HDAC9: variants seen among roughly 807,000 people sequenced by gnomAD.
HDAC9 encodes histone deacetylase 9.
Under a neutral mutation model 139.4 loss-of-function variants are expected in HDAC9, and 41 were observed. The observed-to-expected ratio is 0.29, with a 90% CI of 0.23 to 0.38. The LOEUF is 0.38. Ranked by LOEUF, HDAC9 falls within the 10% of genes least tolerant of loss-of-function variation. The pLI, the probability that HDAC9 is intolerant of heterozygous loss-of-function variation, is 1.00. For synonymous variants in HDAC9, 517 were observed against 476.2 expected (o/e 1.09, Z -1.12); for missense variants, 1,147 against 1,297.0 (o/e 0.88, Z 1.78).
At chr7:18,214,634 C>T (rs1792171365) in intron 2 of HDAC9, among the ~76,000 whole-genome samples, 1 of 151,882 alleles carries the variant, frequency 6.6e-6, no homozygotes, top group African/African-American at 2.4e-5. Context: ...TATGAAACAG[C>T]ATAGGAAACT....
chr7:18,445,504 C>T (rs959390351), intron 1 of HDAC9, among the ~76,000 whole-genome samples: 2 of 152,116 alleles, frequency 1.3e-5, no homozygotes, highest in Non-Finnish European at 2.9e-5. Context: ...AGGGGCTGAG[C>T]GGCCTCTGTG....
intron 23 of HDAC9, among the ~76,000 whole-genome samples, chr7:18,940,865 T>G (rs966820230): frequency 1.3e-5 from 2 of 152,002 alleles, no homozygotes; most frequent in African/African-American, 4.8e-5. Context: ...AACAAAAACA[T>G]TGAAAAACTT....
chr7:18,184,979 A>C (rs1437613255), intron 2 of HDAC9, among the ~76,000 whole-genome samples: 1 of 152,184 alleles, frequency 6.6e-6, no homozygotes, highest in African/African-American at 2.4e-5. Flanking sequence ...TTGCTATGTA[A>C]AATGTGGTCT....
At chr7:18,965,681 T>C (rs928944505) in intron 24 of HDAC9, among the ~76,000 whole-genome samples, 23 of 152,232 alleles carry the variant, frequency 1.5e-4, no homozygotes, top group Non-Finnish European at 2.5e-4. Flanking sequence ...CAGAGTTATT[T>C]CATGTGAGCT....
At chr7:18,927,784 G>A (rs911805413) in intron 22 of HDAC9, among the ~76,000 whole-genome samples, 4 of 152,136 alleles carry the variant, frequency 2.6e-5, no homozygotes, top group Non-Finnish European at 5.9e-5. Context: ...GTGTCAGTGA[G>A]TATTTCAAAA....
intron 15 of HDAC9, among the ~76,000 whole-genome samples, chr7:18,766,790 G>C (rs1358499506): frequency 6.6e-6 from 1 of 152,098 alleles, no homozygotes; most frequent in African/African-American, 2.4e-5. Flanking sequence ...GTATAATATA[G>C]ACATGGAGAC....
At chr7:18,259,928 T>C (rs536311811) in intron 2 of HDAC9, among the ~76,000 whole-genome samples, 1 of 152,336 alleles carries the variant, frequency 6.6e-6, no homozygotes, top group East Asian at 1.9e-4. Flanking sequence ...ATGTACTTCA[T>C]ACTTCAGTTG....
intron 2 of HDAC9, among the ~76,000 whole-genome samples, chr7:18,572,343 T>C (rs1440224463): frequency 6.6e-6 from 1 of 151,128 alleles, no homozygotes; most frequent in Non-Finnish European, 1.5e-5. Context: ...TATGACTATT[T>C]GTCATATTCA....
At chr7:18,804,880 T>C (rs1793580856) in intron 17 of HDAC9, among the ~76,000 whole-genome samples, 1 of 152,182 alleles carries the variant, frequency 6.6e-6, no homozygotes, top group African/African-American at 2.4e-5. Context: ...CTGCAACCTC[T>C]GCTTCCCAGG....
chr7:18,267,956 T>C (rs938428038), intron 2 of HDAC9, among the ~76,000 whole-genome samples: 6 of 152,140 alleles, frequency 3.9e-5, no homozygotes, highest in Non-Finnish European at 8.8e-5. Context: ...ACACCATTCT[T>C]ATAGTATTTC....
In HDAC9 at chr7:18,703,227, TTGAA is replaced by T. The variant is rs548814750; in HGVS notation, c.1732-24350_1732-24347del. Among the ~76,000 whole-genome samples, 399 of 152,280 alleles carry T rather than the reference TTGAA, an allele frequency of 2.6e-3. 1 individual carries two copies. Among genetic ancestry groups the T allele is most frequent in the African/African-American group, 9.3e-3 (387 of 41,574 alleles). On this transcript the variant is annotated intron_variant, in intron 12 of 25. Coordinates refer to ENST00000686413, the MANE Select transcript of HDAC9 (RefSeq NM_178425.4). ...TGTTTCTTCTATATAAAACAATACT[TTGAA>T]TGTTTCATTTCTGAACAGGTGCTCA... is the stretch of plus-strand genomic sequence containing the variant.
intron 21 of HDAC9, among the ~76,000 whole-genome samples, chr7:18,869,800 G>A (rs890927378): frequency 1.3e-5 from 2 of 152,014 alleles, no homozygotes; most frequent in African/African-American, 4.8e-5. Flanking sequence ...CCTGACACAG[G>A]CTCAATTGGA....
chr7:18,879,878 T>G (rs1178558066), intron 22 of HDAC9, among the ~76,000 whole-genome samples: 1 of 152,160 alleles, frequency 6.6e-6, no homozygotes, highest in Non-Finnish European at 1.5e-5. Context: ...ACAGACAGCC[T>G]ACAGCATGGG....
intron 2 of HDAC9, among the ~76,000 whole-genome samples, chr7:18,222,141 C>A (rs1171978797): frequency 1.3e-5 from 2 of 148,730 alleles, no homozygotes; most frequent in Non-Finnish European, 2.9e-5. Flanking sequence ...TTCTGAGTTT[C>A]TAAATTATAA....
chr7:18,689,429 G>C (rs1445972795), intron 12 of HDAC9, among the ~76,000 whole-genome samples: 1 of 151,970 alleles, frequency 6.6e-6, no homozygotes, highest in East Asian at 1.9e-4. Context: ...AGAGGATCTA[G>C]TCTGAGAGGA....
chr7:18,531,573 A>T (rs1463913541), intron 2 of HDAC9, among the ~76,000 whole-genome samples: 1 of 152,210 alleles, frequency 6.6e-6, no homozygotes, highest in Non-Finnish European at 1.5e-5. Context: ...GATTAAAGAA[A>T]ATCAAGTTAA....
At position 18,732,629 on chromosome 7, in the gene HDAC9, GTA is replaced by G. The variant is rs1420497035; in HGVS notation, c.1909+4876_1909+4877del. Among the ~76,000 whole-genome samples, 5 of 133,432 alleles carry G rather than the reference GTA, an allele frequency of 3.7e-5. 1 individual carries two copies. Among genetic ancestry groups the G allele is most frequent in the Non-Finnish European group, 6.3e-5 (4 of 63,578 alleles). The allele number at this position is 133,432 out of a possible 152,430, so 87.5% of individuals were successfully genotyped here. ...TGCATATGTGTATATACACACACGT[GTA>G]TATGTGTGCATATGTGTATATATAC... On this transcript the variant is annotated intron_variant, in intron 13 of 25. Coordinates refer to ENST00000686413, the MANE Select transcript of HDAC9 (RefSeq NM_178425.4).
intron 2 of HDAC9, among the ~76,000 whole-genome samples, chr7:18,575,031 C>G (rs1825587640): frequency 6.6e-6 from 1 of 152,390 alleles, no homozygotes; most frequent in African/African-American, 2.4e-5. Context: ...AGCCCCCGCC[C>G]CCACTGCAGC....
At chr7:18,199,984 A>G (rs1472294593) in intron 2 of HDAC9, among the ~76,000 whole-genome samples, 1 of 152,162 alleles carries the variant, frequency 6.6e-6, no homozygotes, top group Non-Finnish European at 1.5e-5. Context: ...ATTCAGAAAC[A>G]TAAAAAAGCA....
Sources: allele counts gnomAD v4.1 joint callset (sites outside exome capture counted in the v4.1 genomes callset), GRCh38; gene constraint gnomAD v4.1.1; transcripts MANE v1.5; gene names NCBI Gene and HGNC (gene_info 2026-07-23, HGNC 2026-07-21).